Variants in KRT37 observed in about 807,000 individuals in gnomAD.
KRT37 encodes the protein keratin, type I cuticular Ha7.
A neutral mutation model predicts 41.9 loss-of-function variants in KRT37; 38 were observed. The ratio of observed to expected loss-of-function variants is 0.91; its 90% CI spans 0.70 to 1.19. The LOEUF (loss-of-function observed/expected upper bound fraction) is 1.19, where lower values mean the gene tolerates loss of function less well. Ranked by LOEUF, KRT37 falls within the 50% of genes most tolerant of loss-of-function variation. The probability of loss-of-function intolerance (pLI) is 0.00; values close to 1 mark genes in which losing one functional copy is unlikely to be tolerated. For synonymous variants in KRT37, 252 were observed against 243.4 expected (o/e 1.04, Z -0.33); for missense variants, 580 against 575.5 (o/e 1.01, Z -0.08).
At chr17:41,421,687 T>C (rs2018541958) in intron 5 of KRT37, 100 bp from the exon 6 acceptor site, 24 of 1,098,086 alleles carry the variant, frequency 2.2e-5, no homozygotes, top group Non-Finnish European at 3.1e-5. Context: ...TTCCAAAATG[T>C]CATAGGACAT....
Position 41,422,508 on chromosome 17 carries a change from G to A in KRT37, c.733-74C>T, listed in dbSNP as rs538803891. The A allele has an allele frequency of 1.0e-4, 160 of 1,564,698 alleles. No individual in the cohort carries two copies. In the African/African-American group the frequency reaches 1.1e-3, roughly 11 times the overall value. ...ATGGAGCAGACAGCACCAGGACTCC[G>A]TCCCTGGCAAGCAGTAGGAGGGGAG... On this transcript the variant is annotated intron_variant, in intron 3 of 6. Coordinates refer to ENST00000225550, the MANE Select transcript of KRT37 (RefSeq NM_003770.5).
In KRT37 at chr17:41,424,342, G is replaced by A. The variant is rs2018585824; in HGVS notation, c.182C>T (p.Pro61Leu). 3.1e-6 allele frequency: 5 copies of A among 1,614,004 alleles called. No individual in the cohort carries two copies. Among genetic ancestry groups the A allele is most frequent in the Non-Finnish European group, 4.2e-6 (5 of 1,180,020 alleles). The change falls in exon 1 of 7, where the codon CCC becomes CTC. Residue 61 changes from proline to leucine, a missense_variant. Pro to Leu is a moderately conservative substitution (Grantham distance 98, BLOSUM62 -3). Coordinates refer to ENST00000225550, the MANE Select transcript of KRT37 (RefSeq NM_003770.5). ...HANRVRVGST[P>L]LGRPSLCLPP... The stretch of plus-strand genomic sequence containing the variant: ...CAGACAGAGGCTGGGGCGGCCCAGG[G>A]GAGTCGACCCCACACGGACTCTGTT...
intron 6 of KRT37, 33 bp downstream of exon 6, chr17:41,421,334 G>A (rs781393672): frequency 2.5e-6 from 4 of 1,604,246 alleles, no homozygotes; most frequent in African/African-American, 1.3e-5. Context: ...ACAGTCATGT[G>A]TGTGGCTTAG....
In KRT37 at chr17:41,424,271, T is replaced by A; in HGVS notation, c.253A>T (p.Ile85Phe). The A allele has an allele frequency of 6.2e-7, 1 of 1,614,174 alleles. No homozygotes were observed. Among genetic ancestry groups the A allele is most frequent in the Non-Finnish European group, 8.5e-7 (1 of 1,180,024 alleles). Residue 85 changes from isoleucine (I) to phenylalanine (F), a missense_variant, in exon 1 of 7, where the codon ATT becomes TTT. Transcript: ENST00000225550. Reference protein sequence around the residue: ...TACPLPGTCHIPGNIGICGAY... With the variant: ...TACPLPGTCHFPGNIGICGAY... ...CCACAGATTCCGATGTTGCCGGGAA[T>A]GTGACAGGTCCCTGGCAAGGGACAA...
chr17:41,424,086 G>A lies in KRT37; in HGVS notation c.438C>T (p.Thr146=), dbSNP rs748146590. The change falls in exon 1 of 7, where the codon ACC becomes ACT. Residue 146 remains threonine, a synonymous_variant. Transcript: ENST00000225550. ...LLERSKCHES[T]VCPDYQSYFR... ...AGTAGGACTGGTAGTCGGGGCACAC[G>A]GTGGACTCGTGGCACTTGCTCCTCT... 24 of 1,614,080 alleles carry A rather than the reference G, an allele frequency of 1.5e-5. No homozygotes were observed. The highest frequency in any genetic ancestry group is 3.3e-5 in the South Asian group (3 of 91,086).
Position 41,420,666 on chromosome 17 carries a change from T to G in KRT37, c.*212A>C. The G allele has an allele frequency of 4.4e-6, 2 of 450,378 alleles. No individual in the cohort carries two copies. The highest frequency in any genetic ancestry group is 7.8e-6 in the Non-Finnish European group (2 of 256,276). 27.9% of individuals were successfully genotyped at this position (450,378 alleles called of 1,614,324 possible). A position where few individuals can be genotyped will look rare whatever the true frequency, so the allele number is the denominator to read the frequency against. ...AAGAAGAGACACCAGGAAAAATAAT[T>G]GCTTTCATGGAAGATAATTACAACA... On this transcript the variant is annotated 3_prime_UTR_variant, in exon 7 of 7. Transcript: ENST00000225550.
Position 41,420,623 on chromosome 17 carries a change from A to T in KRT37, c.*255T>A. ...ATTTTTGGAGATTCTGAAACACTGG[A>T]ATAGAACTAAAAGTACCAAGAAGAG... On this transcript the variant is annotated 3_prime_UTR_variant, in exon 7 of 7. Coordinates refer to ENST00000225550, the MANE Select transcript of KRT37 (RefSeq NM_003770.5). The T allele has an allele frequency of 2.4e-6, 1 of 420,902 alleles. No homozygotes were observed. The highest frequency in any genetic ancestry group is 4.2e-6 in the Non-Finnish European group (1 of 237,788). The allele number at this position is 420,902 out of a possible 1,614,324, so 26.1% of individuals were successfully genotyped here. A position where few individuals can be genotyped will look rare whatever the true frequency, so the allele number is the denominator to read the frequency against.
Position 41,422,180 on chromosome 17 carries a change from G to C in KRT37, c.909C>G (p.Ser303Arg), listed in dbSNP as rs572506068. ...CCTCGGAGCAGGACATGGCCTGCAG[G>C]CTGATGCCTTCAGACTGGAGCACAG... ...QWFQAQSEGI[S>R]LQAMSCSEEL... is the part of the protein sequence containing the mutation. Residue 303 changes from serine to arginine, a missense_variant, in exon 5 of 7, where the codon AGC becomes AGG. Coordinates refer to ENST00000225550, the MANE Select transcript of KRT37 (RefSeq NM_003770.5). 2 of 1,614,158 alleles carry C rather than the reference G, an allele frequency of 1.2e-6. No individual in the cohort carries two copies. The highest frequency in any genetic ancestry group is 2.7e-5 in the African/African-American group (2 of 75,034).
In KRT37 at chr17:41,421,973, A is replaced by G. The variant is rs2018544721; in HGVS notation, c.1020+96T>C. The G allele has an allele frequency of 1.9e-6, 3 of 1,589,116 alleles. No individual in the cohort carries two copies. The South Asian group carries it at 3.4e-5, about 18-fold the overall frequency. On this transcript the variant is annotated intron_variant, in intron 5 of 6. Transcript: ENST00000225550. ...TATAGAGGACCCCAGATCTTGACTTAATGTTGAAGGAACTGATTTGTGAGA... is the reference window on the plus strand; with the variant it reads ...TATAGAGGACCCCAGATCTTGACTTGATGTTGAAGGAACTGATTTGTGAGA...
In KRT37 at chr17:41,420,764, T is replaced by C. The variant is rs550791663; in HGVS notation, c.*114A>G. 51 of 634,550 alleles carry C rather than the reference T, an allele frequency of 8.0e-5. 2 individuals are homozygous for C. The South Asian group carries it at 1.0e-3, about 12-fold the overall frequency. 39.3% of individuals were successfully genotyped at this position (634,550 alleles called of 1,614,324 possible). On this transcript the variant is annotated 3_prime_UTR_variant, in exon 7 of 7. Transcript: ENST00000225550. ...ACTCCTTGGAAGTATCTGCTACCGG[T>C]TGATTTAGGGAAAATGCCTCAGTGA...
rs144573570 is a variant in KRT37 at position 41,420,934 on chromosome 17, A to C, written c.1294T>G (p.Cys432Gly). ...GGAGACCCACCGGTGACAGGGCCAC[A>C]GCTTGGACAAGAAGTACAGGAGGCA... is the stretch of plus-strand genomic sequence containing the variant. ...TPASCTSCPS[C>G]GPVTGGSPSG... The change falls in exon 7 of 7, where the codon TGT (cysteine) becomes GGT (glycine). Residue 432 changes from cysteine (C) to glycine (G), a missense_variant. Cys to Gly is a radical substitution (Grantham distance 159). Coordinates refer to ENST00000225550, the MANE Select transcript of KRT37 (RefSeq NM_003770.5). The C allele has an allele frequency of 6.3e-4, 1,012 of 1,614,086 alleles. 12 individuals are homozygous for C. In the South Asian group the frequency reaches 7.8e-3, roughly 12 times the overall value.
chr17:41,423,635 G>A (rs2018572933), intron 2 of KRT37, 127 bp downstream of exon 2: 2 of 741,908 alleles, frequency 2.7e-6, no homozygotes, highest in Admixed American at 2.4e-5. Flanking sequence ...AATTTAAGGT[G>A]TGGAGAGAAA....
At chr17:41,421,330 A>T (rs752688402) in intron 6 of KRT37, 37 bp downstream of exon 6, 1 of 1,601,048 alleles carries the variant, frequency 6.2e-7, no homozygotes, top group East Asian at 2.2e-5. Flanking sequence ...CCTGACAGTC[A>T]TGTGTGTGGC....
In KRT37 at chr17:41,421,431, C is replaced by T. The variant is rs141724873; in HGVS notation, c.1177G>A (p.Val393Met). ...QNQEYQVLLDVKARLENEIAT... is the reference protein window; with the variant it reads ...QNQEYQVLLDMKARLENEIAT... ...ATCTCGTTCTCCAACCGGGCCTTCACGTCCAGCAGCACCTGGTACTCCTGG... is the reference window on the plus strand; with the variant it reads ...ATCTCGTTCTCCAACCGGGCCTTCATGTCCAGCAGCACCTGGTACTCCTGG... The change falls in exon 6 of 7, where the codon GTG becomes ATG. Residue 393 changes from valine (V) to methionine (M), a missense_variant. Coordinates refer to ENST00000225550, the MANE Select transcript of KRT37 (RefSeq NM_003770.5). 87 of 1,614,118 alleles carry T rather than the reference C, an allele frequency of 5.4e-5. No individual in the cohort carries two copies. In the African/African-American group the frequency reaches 8.0e-4, roughly 15 times the overall value.
chr17:41,422,013 A>G, intron 5 of KRT37, 56 bp downstream of exon 5: 2 of 1,612,630 alleles, frequency 1.2e-6, no homozygotes. Flanking sequence ...AAGAGATGCT[A>G]CTACCAGGAC....
chr17:41,421,515 G>A lies in KRT37; in HGVS notation c.1093C>T (p.Leu365Phe), dbSNP rs769531957. ...AACTGCTCTTCCAAGTTGCTAATGA[G>A]GCTCTGCATCTGGGCCAGCTCTGTG... is the stretch of plus-strand genomic sequence containing the variant. ...YGTELAQMQS[L>F]ISNLEEQLSE... Residue 365 changes from leucine (L) to phenylalanine (F), a missense_variant, in exon 6 of 7, where the codon CTC (leucine) becomes TTC (phenylalanine). By Grantham distance (22) the Leu-to-Phe change is conservative. Transcript: ENST00000225550. The A allele has an allele frequency of 2.5e-6, 4 of 1,614,236 alleles. No homozygotes were observed. The highest frequency in any genetic ancestry group is 1.7e-6 in the Non-Finnish European group (2 of 1,180,052).
Position 41,420,925 on chromosome 17 carries a change from C to T in KRT37, c.1303G>A (p.Val435Ile). 1 of 1,614,058 alleles carries T rather than the reference C, an allele frequency of 6.2e-7. No individual in the cohort carries two copies. The highest frequency in any genetic ancestry group is 8.5e-7 in the Non-Finnish European group (1 of 1,180,006). The change falls in exon 7 of 7, where the codon GTC becomes ATC. Residue 435 changes from valine to isoleucine, a missense_variant. Transcript: ENST00000225550. ...TGGCCAGAGGGAGACCCACCGGTGA[C>T]AGGGCCACAGCTTGGACAAGAAGTA... ...SCTSCPSCGP[V>I]TGGSPSGHGA...
chr17:41,420,904 C>G lies in KRT37; in HGVS notation c.1324G>C (p.Gly442Arg). 6.2e-7 allele frequency: 1 copy of G among 1,613,680 alleles called. No homozygotes were observed. The highest frequency in any genetic ancestry group is 8.5e-7 in the Non-Finnish European group (1 of 1,179,734). Residue 442 changes from glycine (G) to arginine (R), a missense_variant, in exon 7 of 7, where the codon GGC becomes CGC. Coordinates refer to ENST00000225550, the MANE Select transcript of KRT37 (RefSeq NM_003770.5). ...CGPVTGGSPSGHGASMGR is the reference protein window; with the variant it reads ...CGPVTGGSPSRHGASMGR ...CATCTCCCCATGCTGGCTCCATGGCCAGAGGGAGACCCACCGGTGACAGGG... is the reference window on the plus strand; with the variant it reads ...CATCTCCCCATGCTGGCTCCATGGCGAGAGGGAGACCCACCGGTGACAGGG...
At chr17:41,421,295 C>T (rs975057082) in intron 6 of KRT37, 72 bp downstream of exon 6, 1 of 1,482,136 alleles carries the variant, frequency 6.7e-7, no homozygotes, top group African/African-American at 1.4e-5. Context: ...CTTCTGCAAG[C>T]ACTTCCATTA....
Sources: gnomAD v4.1 joint callset for allele counts on GRCh38, gnomAD v4.1.1 for gene constraint, MANE v1.5 for transcripts, NCBI Gene and HGNC (gene_info 2026-07-23, HGNC 2026-07-21) for gene names.